WDR88: variants seen among roughly 807,000 people sequenced by gnomAD.
The protein encoded by WDR88 is WD repeat-containing protein 88.
A neutral mutation model predicts 46.8 loss-of-function variants in WDR88; 40 were observed. The observed-to-expected ratio is 0.86, with a 90% CI of 0.66 to 1.11. The LOEUF is 1.11. WDR88 is among the 50% of genes most tolerant of loss of function. The pLI is 0.00. For synonymous variants in WDR88, 235 were observed against 240.7 expected (o/e 0.98, Z 0.22); for missense variants, 562 against 602.4 (o/e 0.93, Z 0.70).
intron 1 of WDR88, among the ~76,000 whole-genome samples, chr19:33,137,470 C>T (rs1973293104): frequency 6.6e-6 from 1 of 152,142 alleles, no homozygotes; most frequent in Admixed American, 6.6e-5. Context: ...CCAGGCTGGT[C>T]TTGAACTCCT....
Position 33,148,437 on chromosome 19 carries a change from C to T in WDR88, c.541-335C>T, listed in dbSNP as rs79173462. 6.0e-3 allele frequency among the ~76,000 whole-genome samples: 917 copies of T among 152,110 alleles called. 11 individuals carry two copies. The highest frequency in any genetic ancestry group is 0.021 in the African/African-American group (862 of 41,522). On this transcript the variant is annotated intron_variant, in intron 4 of 10. Coordinates refer to ENST00000355868, the MANE Select transcript of WDR88 (RefSeq NM_173479.4). ...AAGCCAAGTTTTTATTTTATGATGA[C>T]GATGATGATGATTTTTAGAGACAGG...
intron 6 of WDR88, among the ~76,000 whole-genome samples, chr19:33,152,077 C>G (rs1256333774): frequency 6.6e-6 from 1 of 150,838 alleles, no homozygotes; most frequent in African/African-American, 2.4e-5. Flanking sequence ...AGTAAAAATA[C>G]AAAACTTAGC....
intron 6 of WDR88, among the ~76,000 whole-genome samples, chr19:33,152,234 AAT>A (rs58282641): frequency 1.2e-3 from 179 of 146,366 alleles, no homozygotes; most frequent in Admixed American, 1.3e-3. Context: ...TCTGTCTCAA[AAT>A]ATATATATAT....
At chr19:33,158,705 T>G (rs1426230341) in intron 7 of WDR88, among the ~76,000 whole-genome samples, 8 of 152,078 alleles carry the variant, frequency 5.3e-5, no homozygotes, top group South Asian at 2.1e-4. Context: ...ACCATTTTTT[T>G]TTGTTGTTGT....
At chr19:33,143,447 C>T (rs1973443642) in intron 2 of WDR88, among the ~76,000 whole-genome samples, 1 of 151,180 alleles carries the variant, frequency 6.6e-6, no homozygotes, top group African/African-American at 2.4e-5. Context: ...AGTTTGAGAC[C>T]AGCCTGGGTA....
Position 33,137,752 on chromosome 19 carries a change from C to T in WDR88, c.352C>T (p.Leu118Phe). ...CHFCVDDTKL[L>F]SGSYDCTVKL... Reference sequence around the variant, plus strand: ...CTTCTGTGTGGATGACACAAAGCTCCTCAGTGGCTCCTATGACTGCACTGT... The same window carrying T: ...CTTCTGTGTGGATGACACAAAGCTCTTCAGTGGCTCCTATGACTGCACTGT... The change falls in exon 2 of 11, where the codon CTC becomes TTC. Residue 118 changes from leucine (L) to phenylalanine (F), a missense_variant. Coordinates refer to ENST00000355868, the MANE Select transcript of WDR88 (RefSeq NM_173479.4). 6 of 1,613,772 alleles carry T rather than the reference C, an allele frequency of 3.7e-6. No homozygotes were observed. The highest frequency in any genetic ancestry group is 1.1e-5 in the South Asian group (1 of 91,044).
intron 1 of WDR88, among the ~76,000 whole-genome samples, chr19:33,135,062 G>GGGC (rs1555723551): frequency 6.6e-6 from 1 of 151,478 alleles, no homozygotes. Context: ...TGGGTGGGGG[G>GGGC]GGTGACATCT....
rs878944428 is a variant in WDR88, at chr19:33,144,831, C to A, written c.388-13C>A. On this transcript the variant is annotated splice_polypyrimidine_tract_variant and intron_variant, in intron 2 of 10. Coordinates refer to ENST00000355868, the MANE Select transcript of WDR88 (RefSeq NM_173479.4). The stretch of plus-strand genomic sequence containing the variant: ...TGACCACTCTCTTCTCCTCTCTCTC[C>A]CGTTGATTTGAGGATCCGGTGGACG... The A allele has an allele frequency of 1.2e-6, 2 of 1,612,176 alleles. No individual in the cohort carries two copies. Among genetic ancestry groups the A allele is most frequent in the Admixed American group, 3.3e-5 (2 of 59,768 alleles).
intron 4 of WDR88, 62 bp from the exon 5 acceptor site, chr19:33,148,710 T>C (rs1176132463): frequency 1.2e-6 from 2 of 1,605,556 alleles, no homozygotes; most frequent in African/African-American, 1.3e-5. Flanking sequence ...AAGCACTGGG[T>C]TTACAGGTGT....
intron 6 of WDR88, among the ~76,000 whole-genome samples, chr19:33,154,087 CA>C (rs1973688320): frequency 6.6e-6 from 1 of 152,164 alleles, no homozygotes; most frequent in African/African-American, 2.4e-5. Context: ...CCATTTTCCC[CA>C]AACTTCTGTA....
chr19:33,157,567 A>C (rs1034720675), intron 7 of WDR88, among the ~76,000 whole-genome samples: 1 of 144,758 alleles, frequency 6.9e-6, no homozygotes, highest in African/African-American at 2.5e-5. Context: ...ATATATATGT[A>C]TATATGTGTA....
chr19:33,140,365 G>A (rs181915511), intron 2 of WDR88, among the ~76,000 whole-genome samples: 22 of 152,212 alleles, frequency 1.4e-4, no homozygotes, highest in Admixed American at 1.2e-3. Flanking sequence ...TTGCTACATT[G>A]CCCAGGCTAG....
chr19:33,173,119 A>G (rs576265913), intron 10 of WDR88, among the ~76,000 whole-genome samples: 250 of 135,226 alleles, frequency 1.8e-3, no homozygotes, highest in Non-Finnish European at 2.7e-3. Context: ...AAAAAAAAAA[A>G]GAGAAGAAAG....
rs532015908 is a variant in WDR88, at chr19:33,175,727, C to T, written c.*155C>T. The T allele has an allele frequency of 2.5e-5, 19 of 746,170 alleles. No homozygotes were observed. The African/African-American group carries it at 3.2e-4, about 12-fold the overall frequency. 46.2% of individuals were successfully genotyped at this position (746,170 alleles called of 1,614,324 possible). On this transcript the variant is annotated 3_prime_UTR_variant, in exon 11 of 11. Transcript: ENST00000355868. ...CCTGGCTGGACTCAGCACAGTGCCACCTCCTCAGCTCTCAGCTTGGGGAGT... is the reference window on the plus strand; with the variant it reads ...CCTGGCTGGACTCAGCACAGTGCCATCTCCTCAGCTCTCAGCTTGGGGAGT...
intron 6 of WDR88, among the ~76,000 whole-genome samples, chr19:33,155,890 G>C (rs531960846): frequency 6.6e-4 from 100 of 152,284 alleles, no homozygotes; most frequent in Non-Finnish European, 1.3e-3. Flanking sequence ...CAGAACACAG[G>C]ACGGCCCCCA....
intron 9 of WDR88, among the ~76,000 whole-genome samples, chr19:33,170,772 G>T (rs562295199): frequency 1.3e-5 from 2 of 152,200 alleles, no homozygotes; most frequent in African/African-American, 2.4e-5. Context: ...CAAGGCAGGA[G>T]AATCACTGGA....
At position 33,156,392 on chromosome 19, in the gene WDR88, T is replaced by C; in HGVS notation, c.847T>C (p.Phe283Leu). The change falls in exon 7 of 11, where the codon TTC (phenylalanine) becomes CTC (leucine). Residue 283 changes from phenylalanine (F) to leucine (L), a missense_variant. By Grantham distance (22) the Phe-to-Leu change is conservative. Transcript: ENST00000355868. Reference protein sequence around the residue: ...SNAISNCCFTFSGHFLCTSSW... With the variant: ...SNAISNCCFTLSGHFLCTSSW... ...TGCAATCTCAAACTGCTGTTTTACC[T>C]TCAGTGGCCATTTCCTGTGTACAAG... 1 of 1,614,164 alleles carries C rather than the reference T, an allele frequency of 6.2e-7. No homozygotes were observed. The highest frequency in any genetic ancestry group is 8.5e-7 in the Non-Finnish European group (1 of 1,180,024).
At chr19:33,143,138 TG>T (rs1015106051) in intron 2 of WDR88, among the ~76,000 whole-genome samples, 2 of 151,790 alleles carry the variant, frequency 1.3e-5, no homozygotes, top group Admixed American at 1.3e-4. Context: ...GAGACCAGCC[TG>T]GGCAATGTAG....
intron 8 of WDR88, among the ~76,000 whole-genome samples, chr19:33,163,217 C>G (rs983763678): frequency 3.3e-5 from 5 of 151,982 alleles, no homozygotes; most frequent in African/African-American, 7.3e-5. Context: ...CCTGTAGTCC[C>G]AGCTACTCGG....
Sources: allele counts gnomAD v4.1 joint callset (sites outside exome capture counted in the v4.1 genomes callset), GRCh38; gene constraint gnomAD v4.1.1; transcripts MANE v1.5; gene names NCBI Gene and HGNC (gene_info 2026-07-23, HGNC 2026-07-21).